Variants in STXBP5L observed in about 807,000 individuals in gnomAD.
STXBP5L encodes syntaxin-binding protein 5-like.
Under a neutral mutation model 144.5 loss-of-function variants are expected in STXBP5L, and 65 were observed. That is an observed-to-expected ratio of 0.45 (90% confidence interval 0.37 to 0.55). The LOEUF is 0.55. Ranked by LOEUF, STXBP5L falls within the 20% of genes least tolerant of loss-of-function variation. The pLI, the probability that STXBP5L is intolerant of heterozygous loss-of-function variation, is 0.00. For synonymous variants in STXBP5L, 505 were observed against 469.6 expected (o/e 1.08, Z -0.97); for missense variants, 1,298 against 1,405.5 (o/e 0.92, Z 1.22).
intron 3 of STXBP5L, among the ~76,000 whole-genome samples, chr3:121,014,546 C>T (rs1471522172): frequency 1.3e-5 from 2 of 151,916 alleles, no homozygotes; most frequent in African/African-American, 4.8e-5. Flanking sequence ...TCACAGTTTG[C>T]TTATTTTTTC....
At chr3:121,311,004 A>G (rs1247784460) in intron 19 of STXBP5L, among the ~76,000 whole-genome samples, 3 of 152,224 alleles carry the variant, frequency 2.0e-5, no homozygotes, top group African/African-American at 7.2e-5. Context: ...ATTCTTACCT[A>G]AAACATATGA....
At chr3:121,360,661 G>C (rs917729683) in intron 20 of STXBP5L, among the ~76,000 whole-genome samples, 1 of 151,982 alleles carries the variant, frequency 6.6e-6, no homozygotes, top group African/African-American at 2.4e-5. Context: ...AACCAACAGT[G>C]AAAAATAAAA....
At chr3:121,342,485 T>C (rs2044752639) in intron 20 of STXBP5L, among the ~76,000 whole-genome samples, 1 of 149,822 alleles carries the variant, frequency 6.7e-6, no homozygotes, top group South Asian at 2.2e-4. Flanking sequence ...CTCCCACAGC[T>C]ATCCTTCCCC....
chr3:120,930,413 T>G (rs556461785), intron 2 of STXBP5L, among the ~76,000 whole-genome samples: 1 of 152,044 alleles, frequency 6.6e-6, no homozygotes, highest in African/African-American at 2.4e-5. Flanking sequence ...CTGTAGTAGA[T>G]TCCTCAGGAA....
At chr3:121,363,486 A>C (rs1275283691) in intron 20 of STXBP5L, among the ~76,000 whole-genome samples, 2 of 152,056 alleles carry the variant, frequency 1.3e-5, no homozygotes, top group Non-Finnish European at 2.9e-5. Flanking sequence ...CTCTCTGTGG[A>C]TGGACATCAG....
In STXBP5L at chr3:121,279,817, G is replaced by A; in HGVS notation, c.1971G>A (p.Gly657=). 1 of 1,612,058 alleles carries A rather than the reference G, an allele frequency of 6.2e-7. No homozygotes were observed. Among genetic ancestry groups the A allele is most frequent in the Non-Finnish European group, 8.5e-7 (1 of 1,178,630 alleles). The part of the protein sequence containing the change: ...VSSAYGIVAF[G]NCNGLAVVDF... ...TTTTCTCTCTTAGAGTTGCATTTGG[G>A]AACTGCAATGGGTTGGCTGTGGTGG... Residue 657 remains glycine, a synonymous_variant, in exon 19 of 27, where the codon GGG becomes GGA. Coordinates refer to ENST00000471454, the MANE Select transcript of STXBP5L (RefSeq NM_001308330.2).
chr3:121,340,628 A>C (rs2044673924), intron 20 of STXBP5L, among the ~76,000 whole-genome samples: 2 of 152,028 alleles, frequency 1.3e-5, no homozygotes, highest in South Asian at 2.1e-4. Context: ...GATGGTTTTC[A>C]ACTTCATCCA....
intron 10 of STXBP5L, among the ~76,000 whole-genome samples, chr3:121,220,119 T>A (rs576979342): frequency 6.6e-6 from 1 of 152,268 alleles, no homozygotes; most frequent in South Asian, 2.1e-4. Flanking sequence ...TCTGTCCCTT[T>A]ATAGTCACTC....
intron 10 of STXBP5L, among the ~76,000 whole-genome samples, chr3:121,216,299 T>C (rs934869044): frequency 6.6e-6 from 1 of 152,224 alleles, no homozygotes; most frequent in Non-Finnish European, 1.5e-5. Flanking sequence ...AGCCTTTTTA[T>C]ACTTTTTTGT....
At chr3:120,934,091 C>CTTT (rs200329422) in intron 2 of STXBP5L, among the ~76,000 whole-genome samples, 2 of 138,088 alleles carry the variant, frequency 1.4e-5, no homozygotes, top group Admixed American at 7.2e-5. Flanking sequence ...TTTTCTTTTT[C>CTTT]TTTTTTTTTT....
Position 121,378,681 on chromosome 3 carries a change from A to G in STXBP5L, c.2177-35A>G, listed in dbSNP as rs372369511. On this transcript the variant is annotated intron_variant, in intron 20 of 26. Coordinates refer to ENST00000471454, the MANE Select transcript of STXBP5L (RefSeq NM_001308330.2). ...TATTCCTTTGTATTAAGAGTTAATCATTATATGTATGCTGCCTTCCTCCTC... is the reference window on the plus strand; with the variant it reads ...TATTCCTTTGTATTAAGAGTTAATCGTTATATGTATGCTGCCTTCCTCCTC... 6.7e-5 allele frequency: 108 copies of G among 1,601,658 alleles called. No individual in the cohort carries two copies. In the African/African-American group the frequency reaches 1.2e-3, roughly 18 times the overall value.
At chr3:121,182,004 G>A (rs557158870) in intron 9 of STXBP5L, among the ~76,000 whole-genome samples, 3 of 151,284 alleles carry the variant, frequency 2.0e-5, no homozygotes, top group African/African-American at 7.3e-5. Context: ...ACCTAACACT[G>A]GTGCTCCAAA....
At chr3:121,367,754 A>T (rs887492474) in intron 20 of STXBP5L, among the ~76,000 whole-genome samples, 2 of 140,142 alleles carry the variant, frequency 1.4e-5, no homozygotes, top group Non-Finnish European at 3.1e-5. Flanking sequence ...GACTGTAGGC[A>T]TTTGCCACCA....
rs2043498364 is a variant in STXBP5L at position 121,102,802 on chromosome 3, TCAAA to T, written c.471-12118_471-12115del. On this transcript the variant is annotated intron_variant, in intron 5 of 26. Coordinates refer to ENST00000471454, the MANE Select transcript of STXBP5L (RefSeq NM_001308330.2). ...GTAGAACATGTTTACAAACTATGCATCAAACAAAGGTCAAATATCCAGGATCTAT... is the reference window on the plus strand; with the variant it reads ...GTAGAACATGTTTACAAACTATGCATCAAAGGTCAAATATCCAGGATCTAT... 2.0e-5 allele frequency among the ~76,000 whole-genome samples: 3 copies of T among 152,206 alleles called. No homozygotes were observed. In the South Asian group the frequency reaches 6.2e-4, roughly 32 times the overall value.
intron 6 of STXBP5L, among the ~76,000 whole-genome samples, chr3:121,119,821 T>C (rs956698581): frequency 2.6e-5 from 4 of 151,390 alleles, no homozygotes; most frequent in African/African-American, 9.7e-5. Context: ...GTGTTCTATG[T>C]TTGTTTAAGA....
intron 3 of STXBP5L, among the ~76,000 whole-genome samples, chr3:121,009,190 C>T (rs1576649595): frequency 6.6e-6 from 1 of 152,084 alleles, no homozygotes; most frequent in African/African-American, 2.4e-5. Flanking sequence ...GGTCATCCTA[C>T]TTAACTGGGT....
intron 20 of STXBP5L, among the ~76,000 whole-genome samples, chr3:121,367,790 C>CATTTTTTT: frequency 9.4e-6 from 1 of 106,288 alleles, no homozygotes. Context: ...TTTGCTTTTC[C>CATTTTTTT]TTTTTTTTTT....
intron 22 of STXBP5L, among the ~76,000 whole-genome samples, chr3:121,390,216 C>CT (rs1393093888): frequency 6.6e-6 from 1 of 151,904 alleles, no homozygotes; most frequent in Non-Finnish European, 1.5e-5. Context: ...AATCCCTGCT[C>CT]TTTTTTTGCT....
At chr3:121,016,052 A>G (rs552514110) in intron 3 of STXBP5L, among the ~76,000 whole-genome samples, 1 of 152,352 alleles carries the variant, frequency 6.6e-6, no homozygotes, top group Admixed American at 6.5e-5. Flanking sequence ...GGCACAAACG[A>G]AGACACTAGA....
Sources: allele counts gnomAD v4.1 joint callset (sites outside exome capture counted in the v4.1 genomes callset), GRCh38; gene constraint gnomAD v4.1.1; transcripts MANE v1.5; gene names NCBI Gene and HGNC (gene_info 2026-07-23, HGNC 2026-07-21).